The following NUAK1 variants were observed in gnomAD, a reference collection of about 807,000 sequenced individuals.
The protein encoded by NUAK1 is NUAK family kinase 1.
Under a neutral mutation model 56.9 loss-of-function variants are expected in NUAK1, and 26 were observed. The ratio of observed to expected loss-of-function variants is 0.46; its 90% CI spans 0.33 to 0.63. NUAK1 has a LOEUF of 0.63. Ranked by LOEUF, NUAK1 falls within the 30% of genes least tolerant of loss-of-function variation. The pLI is 0.02. For missense variants in NUAK1, 727 were observed against 876.1 expected, an observed-to-expected ratio of 0.83 and a Z score of 2.15; for synonymous variants, 337 against 336.0, an observed-to-expected ratio of 1.00 and a Z score of -0.03.
chr12:106,082,668 C>T (rs975526515), intron 4 of NUAK1, among the ~76,000 whole-genome samples: 50 of 152,294 alleles, frequency 3.3e-4, no homozygotes, highest in Admixed American at 2.5e-3. Context: ...CATGTGACTA[C>T]GGTCAAACAC....
intron 2 of NUAK1, among the ~76,000 whole-genome samples, chr12:106,092,517 G>A (rs541154813): frequency 6.6e-6 from 1 of 152,030 alleles, no homozygotes; most frequent in Non-Finnish European, 1.5e-5. Flanking sequence ...ATGGAATCAC[G>A]TAGTATACCT....
chr12:106,070,506 T>C (rs765545320), intron 6 of NUAK1, among the ~76,000 whole-genome samples: 2 of 152,204 alleles, frequency 1.3e-5, no homozygotes, highest in Non-Finnish European at 2.9e-5. Context: ...GTGGAGAATC[T>C]GAATCCAAAG....
At chr12:106,117,222 C>A (rs912206078) in intron 1 of NUAK1, among the ~76,000 whole-genome samples, 2 of 152,242 alleles carry the variant, frequency 1.3e-5, no homozygotes, top group Non-Finnish European at 2.9e-5. Context: ...CTAGAGCTAG[C>A]CCTGGAGATG....
intron 1 of NUAK1, among the ~76,000 whole-genome samples, chr12:106,122,425 T>C (rs988641001): frequency 4.6e-5 from 7 of 152,334 alleles, no homozygotes; most frequent in Admixed American, 2.6e-4. Flanking sequence ...GGGATGATAA[T>C]GGTGTTCACC....
chr12:106,133,530 T>C (rs1473217133), intron 1 of NUAK1, among the ~76,000 whole-genome samples: 1 of 152,210 alleles, frequency 6.6e-6, no homozygotes, highest in Non-Finnish European at 1.5e-5. Context: ...TCCAGCTGTC[T>C]GACCCTTGGC....
chr12:106,085,253 A>C (rs2032559377), intron 3 of NUAK1, among the ~76,000 whole-genome samples: 1 of 152,244 alleles, frequency 6.6e-6, no homozygotes, highest in Admixed American at 6.5e-5. Context: ...CCAATATCAA[A>C]AATATCACCT....
At chr12:106,096,745 A>T (rs2032700303) in intron 2 of NUAK1, among the ~76,000 whole-genome samples, 1 of 152,220 alleles carries the variant, frequency 6.6e-6, no homozygotes, top group Admixed American at 6.5e-5. Context: ...GCCGCCAGAC[A>T]CACGTTCTTC....
rs570571758 is a variant in NUAK1 at position 106,120,016 on chromosome 12, A to AT, written c.241-13492dup. 4.7e-3 allele frequency among the ~76,000 whole-genome samples: 721 copies of AT among 152,280 alleles called. 3 individuals carry two copies. Among genetic ancestry groups the AT allele is most frequent in the African/African-American group, 0.016 (671 of 41,552 alleles). ...TATTTAGAGCTCTCTATTATAACTT[A>AT]TTAGTATTTCCACTTAACCAAAGCA... On this transcript the variant is annotated intron_variant, in intron 1 of 6. Coordinates refer to ENST00000261402, the MANE Select transcript of NUAK1 (RefSeq NM_014840.3).
intron 1 of NUAK1, among the ~76,000 whole-genome samples, chr12:106,137,616 T>C (rs1021572302): frequency 6.6e-6 from 1 of 152,226 alleles, no homozygotes; most frequent in Non-Finnish European, 1.5e-5. Flanking sequence ...TCCTTGGAGC[T>C]GTGCAAATGG....
intron 6 of NUAK1, among the ~76,000 whole-genome samples, chr12:106,070,483 G>A (rs1333109766): frequency 1.3e-5 from 2 of 152,208 alleles, no homozygotes; most frequent in East Asian, 1.9e-4. Flanking sequence ...CTTTTCCAAC[G>A]TTTTTATTTA....
chr12:106,091,737 C>CA (rs1331948908), intron 2 of NUAK1, among the ~76,000 whole-genome samples: 1 of 152,156 alleles, frequency 6.6e-6, no homozygotes, highest in Non-Finnish European at 1.5e-5. Flanking sequence ...GTCTGGGGCT[C>CA]AATTTTTTCC....
At chr12:106,073,061 A>G (rs1361804173) in intron 4 of NUAK1, among the ~76,000 whole-genome samples, 2 of 152,182 alleles carry the variant, frequency 1.3e-5, no homozygotes, top group Admixed American at 6.5e-5. Context: ...CATCCATCAC[A>G]AGTTCTACCA....
intron 2 of NUAK1, among the ~76,000 whole-genome samples, chr12:106,088,745 A>C (rs1294004253): frequency 6.6e-6 from 1 of 152,204 alleles, no homozygotes; most frequent in Non-Finnish European, 1.5e-5. Flanking sequence ...TGTTGCTATC[A>C]ATATTAATTC....
intron 2 of NUAK1, among the ~76,000 whole-genome samples, chr12:106,097,531 A>G (rs1446284905): frequency 6.6e-6 from 1 of 152,222 alleles, no homozygotes; most frequent in East Asian, 1.9e-4. Context: ...AAAAGAACCT[A>G]TATCAGGACC....
At chr12:106,126,371 A>G (rs1256131855) in intron 1 of NUAK1, among the ~76,000 whole-genome samples, 2 of 152,348 alleles carry the variant, frequency 1.3e-5, no homozygotes, top group East Asian at 3.9e-4. Flanking sequence ...AGAAAAAATG[A>G]CAGAGATATT....
chr12:106,083,276 CAA>C (rs1365113876), intron 4 of NUAK1, among the ~76,000 whole-genome samples: 5 of 152,034 alleles, frequency 3.3e-5, no homozygotes, highest in African/African-American at 1.2e-4. Flanking sequence ...AATAGCCAGG[CAA>C]AGAGTTCCAG....
chr12:106,081,390 G>A lies in NUAK1; in HGVS notation c.579+2474C>T, dbSNP rs191417000. ...AGGAATTTAAAAGTGTTGATAATGGGAAGATCTGGTTTCTCTTTGGGACGT... is the reference window on the plus strand; with the variant it reads ...AGGAATTTAAAAGTGTTGATAATGGAAAGATCTGGTTTCTCTTTGGGACGT... On this transcript the variant is annotated intron_variant, in intron 4 of 6. Transcript: ENST00000261402. 3.6e-3 allele frequency among the ~76,000 whole-genome samples: 546 copies of A among 152,344 alleles called. 1 individual carries two copies. The highest frequency in any genetic ancestry group is 4.0e-3 in the Non-Finnish European group (272 of 68,042).
intron 2 of NUAK1, among the ~76,000 whole-genome samples, chr12:106,097,734 C>T (rs555724594): frequency 6.6e-6 from 1 of 152,242 alleles, no homozygotes; most frequent in Non-Finnish European, 1.5e-5. Flanking sequence ...TTTTCTAGTA[C>T]AGTGGGGTTG....
At chr12:106,123,343 G>T (rs1686454437) in intron 1 of NUAK1, among the ~76,000 whole-genome samples, 1 of 152,206 alleles carries the variant, frequency 6.6e-6, no homozygotes, top group South Asian at 2.1e-4. Context: ...TAGTGGAAAT[G>T]ATCTATTCTG....
Sources: gnomAD v4.1 joint callset for allele counts (sites outside exome capture counted in the v4.1 genomes callset) on GRCh38, gnomAD v4.1.1 for gene constraint, MANE v1.5 for transcripts, NCBI Gene and HGNC (gene_info 2026-07-23, HGNC 2026-07-21) for gene names.